Variants in ZBTB7C observed in about 807,000 individuals in gnomAD.
ZBTB7C encodes zinc finger and BTB domain containing 7C.
A neutral mutation model predicts 25.7 loss-of-function variants in ZBTB7C; 8 were observed. The ratio of observed to expected loss-of-function variants is 0.31; its 90% CI spans 0.18 to 0.56. The LOEUF is 0.56. Among genes scored for constraint, ZBTB7C ranks in the 20% least tolerant of loss-of-function variants. ZBTB7C has a pLI of 0.91. For synonymous variants in ZBTB7C, 394 were observed against 369.0 expected, an observed-to-expected ratio of 1.07 and a Z score of -0.78; for missense variants, 824 against 855.2, an observed-to-expected ratio of 0.96 and a Z score of 0.46.
At chr18:48,208,761 T>C (rs1306058934) in intron 2 of ZBTB7C, among the ~76,000 whole-genome samples, 1 of 152,226 alleles carries the variant, frequency 6.6e-6, no homozygotes, top group Non-Finnish European at 1.5e-5. Flanking sequence ...GGCAGAAGGA[T>C]GGCTGAGGTG....
intron 3 of ZBTB7C, among the ~76,000 whole-genome samples, chr18:48,112,267 T>C (rs1422272073): frequency 3.3e-5 from 5 of 150,210 alleles, no homozygotes; most frequent in African/African-American, 7.3e-5. Context: ...TTTCTTTTTT[T>C]TTTTTTTTTT....
At chr18:48,118,470 T>A (rs1325072585) in intron 3 of ZBTB7C, among the ~76,000 whole-genome samples, 1 of 152,228 alleles carries the variant, frequency 6.6e-6, no homozygotes, top group African/African-American at 2.4e-5. Flanking sequence ...TTTGGCCATA[T>A]GTGTTATAAA....
chr18:48,036,552 A>G (rs956095720), intron 4 of ZBTB7C, among the ~76,000 whole-genome samples: 4 of 152,330 alleles, frequency 2.6e-5, no homozygotes, highest in African/African-American at 9.6e-5. Context: ...TTGCCAGGGC[A>G]GAAGCTCAGC....
At chr18:48,285,548 C>G (rs2045017971) in intron 2 of ZBTB7C, among the ~76,000 whole-genome samples, 1 of 152,132 alleles carries the variant, frequency 6.6e-6, no homozygotes, top group South Asian at 2.1e-4. Flanking sequence ...GATGAGGTCT[C>G]CCTATGTTGA....
chr18:48,384,589 T>C (rs2145222820), intron 1 of ZBTB7C, among the ~76,000 whole-genome samples: 1 of 152,376 alleles, frequency 6.6e-6, no homozygotes, highest in South Asian at 2.1e-4. Flanking sequence ...AATGCAGCCC[T>C]ACACAAATTC....
At chr18:48,320,103 G>A (rs566367237) in intron 2 of ZBTB7C, among the ~76,000 whole-genome samples, 1 of 151,322 alleles carries the variant, frequency 6.6e-6, no homozygotes, top group East Asian at 1.9e-4. Flanking sequence ...TAGACAGGCA[G>A]AGAAGGCTTC....
At chr18:48,280,694 C>T (rs897340372) in intron 2 of ZBTB7C, among the ~76,000 whole-genome samples, 5 of 152,062 alleles carry the variant, frequency 3.3e-5, no homozygotes, top group South Asian at 4.2e-4. Flanking sequence ...TACACACCTA[C>T]GGAGCCAGAG....
chr18:48,407,925 G>A (rs1016167397), intron 1 of ZBTB7C, among the ~76,000 whole-genome samples: 17 of 152,016 alleles, frequency 1.1e-4, no homozygotes, highest in Admixed American at 1.1e-3. Flanking sequence ...TTTCTACCTC[G>A]CTGCCCTGGA....
At chr18:48,256,361 G>T (rs2044020854) in intron 2 of ZBTB7C, among the ~76,000 whole-genome samples, 1 of 151,412 alleles carries the variant, frequency 6.6e-6, no homozygotes, top group African/African-American at 2.4e-5. Context: ...AAAGACAGTG[G>T]AGAAATACCT....
At chr18:48,350,517 C>T (rs1381931536) in intron 1 of ZBTB7C, 12 of 152,200 alleles carry the variant, frequency 7.9e-5, no homozygotes. Context: ...CTGCAAAGCC[C>T]CTGTGTCACA....
intron 2 of ZBTB7C, among the ~76,000 whole-genome samples, chr18:48,280,843 T>C (rs1275751959): frequency 1.4e-4 from 20 of 139,752 alleles, no homozygotes; most frequent in African/African-American, 5.0e-4. Context: ...AATTTTTTTC[T>C]CTCTCTTTTT....
At chr18:48,197,151 A>G (rs2042336919) in intron 2 of ZBTB7C, among the ~76,000 whole-genome samples, 1 of 152,144 alleles carries the variant, frequency 6.6e-6, no homozygotes, top group Admixed American at 6.5e-5. Flanking sequence ...GAGCTGCTAC[A>G]GCCATTTTGT....
intron 3 of ZBTB7C, chr18:48,088,226 G>A (rs11660709): frequency 0.14 from 21,177 of 152,182 alleles, 1,781 homozygotes; most frequent in Non-Finnish European, 0.19. Flanking sequence ...GCCCCCCGAA[G>A]TAAGCAAGGA....
intron 2 of ZBTB7C, among the ~76,000 whole-genome samples, chr18:48,311,354 A>AT (rs1201950681): frequency 1.3e-5 from 2 of 152,214 alleles, no homozygotes; most frequent in African/African-American, 4.8e-5. Context: ...AATAAAAAAA[A>AT]ATGAATGAAT....
chr18:48,267,053 T>C (rs1341782201), intron 2 of ZBTB7C, among the ~76,000 whole-genome samples: 1 of 152,206 alleles, frequency 6.6e-6, no homozygotes, highest in Non-Finnish European at 1.5e-5. Context: ...CCATTTTCAC[T>C]GTTGCAAATA....
intron 3 of ZBTB7C, chr18:48,165,341 CAAT>C: frequency 9.6e-6 from 4 of 415,298 alleles, no homozygotes; most frequent in South Asian, 5.3e-5. Context: ...CCTTCAGAGA[CAAT>C]GAGTGTCCAG....
intron 2 of ZBTB7C, among the ~76,000 whole-genome samples, chr18:48,219,220 C>A (rs1024036924): frequency 6.6e-6 from 1 of 152,128 alleles, no homozygotes; most frequent in Admixed American, 6.5e-5. Context: ...CGGACTCACT[C>A]CCGAGCTGCA....
chr18:48,162,151 A>G (rs2041080743), intron 3 of ZBTB7C, among the ~76,000 whole-genome samples: 1 of 149,250 alleles, frequency 6.7e-6, no homozygotes, highest in Non-Finnish European at 1.5e-5. Context: ...GGCTGTAGTT[A>G]TCAGCTGGGT....
chr18:48,032,657 C>T (rs140160334), intron 4 of ZBTB7C, among the ~76,000 whole-genome samples: 2,146 of 149,626 alleles, frequency 0.014, 56 homozygotes, highest in African/African-American at 0.048. Flanking sequence ...AGGATGGTCT[C>T]GATCTCCTGA....
Sources: gnomAD v4.1 joint callset for allele counts (sites outside exome capture counted in the v4.1 genomes callset) on GRCh38, gnomAD v4.1.1 for gene constraint, MANE v1.5 for transcripts, NCBI Gene and HGNC (gene_info 2026-07-23, HGNC 2026-07-21) for gene names.